The following RBM10 variants were observed in gnomAD, a reference collection of about 807,000 sequenced individuals.
RBM10 encodes RNA-binding protein 10.
A neutral mutation model predicts 84.9 loss-of-function variants in RBM10; 1 was observed. The observed-to-expected ratio is 0.01, with a 90% confidence interval of 0.00 to 0.06. RBM10 has a LOEUF of 0.06. RBM10 is among the 10% of genes least tolerant of loss of function. The pLI is 1.00. For missense variants in RBM10, 438 were observed against 839.0 expected, an observed-to-expected ratio of 0.52 and a Z score of 5.90; for synonymous variants, 326 against 344.5, an observed-to-expected ratio of 0.95 and a Z score of 0.60.
chrX:47,186,625 A>T lies in RBM10; in HGVS notation c.*26A>T. Reference sequence around the variant, plus strand: ...GCAGCTTCAAGAGCAACTTCTCCACATGTTGGGTGTCCATCCTGGGGCAGG... The same window carrying T: ...GCAGCTTCAAGAGCAACTTCTCCACTTGTTGGGTGTCCATCCTGGGGCAGG... On this transcript the variant is annotated 3_prime_UTR_variant, in exon 24 of 24. Coordinates refer to ENST00000377604, the MANE Select transcript of RBM10 (RefSeq NM_005676.5). The T allele has an allele frequency of 8.3e-7, 1 of 1,209,681 alleles. No individual in the cohort carries two copies. Among genetic ancestry groups the T allele is most frequent in the Non-Finnish European group, 1.1e-6 (1 of 894,244 alleles).
Position 47,186,162 on chromosome X carries a change from C to T in RBM10, c.2528C>T (p.Thr843Ile), listed in dbSNP as rs2147223910. 8.2e-7 allele frequency: 1 copy of T among 1,212,671 alleles called. No homozygotes were observed. Among genetic ancestry groups the T allele is most frequent in the Middle Eastern group, 2.3e-4 (1 of 4,354 alleles). Residue 843 changes from threonine to isoleucine, a missense_variant, in exon 22 of 24, where the codon ACA (threonine) becomes ATA (isoleucine). Thr to Ile is a moderately conservative substitution (Grantham distance 89). Coordinates refer to ENST00000377604, the MANE Select transcript of RBM10 (RefSeq NM_005676.5). ...PKRRKYGGIS[T>I]ASVDFEQPTR... ...AGGAGGAAGTACGGCGGCATATCCA[C>T]AGCCTCTGTGTGAGTGGCTGGGCCA...
chrX:47,157,328 C>T, intron 2 of RBM10: 1 of 330,152 alleles, frequency 3.0e-6, no homozygotes, highest in South Asian at 3.1e-5. Flanking sequence ...TGATGAAATT[C>T]TAGACCACAC....
intron 2 of RBM10, among the ~76,000 whole-genome samples, chrX:47,166,217 G>A (rs1222382922): frequency 9.0e-6 from 1 of 111,121 alleles, no homozygotes; most frequent in Non-Finnish European, 1.9e-5. Flanking sequence ...GATCAGGCTG[G>A]GCAACATAGT....
Position 47,159,235 on chromosome X carries a change from C to T in RBM10, c.18-10080C>T, listed in dbSNP as rs782125968. ...GACCAGCCTGACCAACATGGAGAAA[C>T]GCCATCTCTACTAAAAATAAAAAAT... On this transcript the variant is annotated intron_variant, in intron 2 of 23. Coordinates refer to ENST00000377604, the MANE Select transcript of RBM10 (RefSeq NM_005676.5). 1.5e-3 allele frequency among the ~76,000 whole-genome samples: 165 copies of T among 111,079 alleles called. 1 individual carries two copies. The highest frequency in any genetic ancestry group is 5.2e-3 in the African/African-American group (158 of 30,608).
intron 2 of RBM10, among the ~76,000 whole-genome samples, chrX:47,153,831 T>C (rs1284034318): frequency 9.0e-6 from 1 of 111,266 alleles, no homozygotes; most frequent in Non-Finnish European, 1.9e-5. Context: ...GCTGAGGCAG[T>C]TGGATCACTT....
intron 2 of RBM10, among the ~76,000 whole-genome samples, chrX:47,164,785 T>C (rs1380413449): frequency 3.6e-5 from 4 of 111,659 alleles, no homozygotes; most frequent in Non-Finnish European, 5.6e-5. Flanking sequence ...CCCAAAAGAA[T>C]TGAAAGCAAT....
At chrX:47,146,116 C>G (rs1932192751) in intron 1 of RBM10, among the ~76,000 whole-genome samples, 1 of 110,756 alleles carries the variant, frequency 9.0e-6, no homozygotes, top group African/African-American at 3.3e-5. Flanking sequence ...CACTGACGCT[C>G]ATCCATGGAA....
intron 2 of RBM10, among the ~76,000 whole-genome samples, chrX:47,154,565 C>T (rs1321909868): frequency 9.1e-6 from 1 of 109,694 alleles, no homozygotes; most frequent in East Asian, 2.9e-4. Flanking sequence ...GATTCTTGTG[C>T]CTCAGCTTCC....
At chrX:47,152,159 C>G (rs950201853) in intron 2 of RBM10, among the ~76,000 whole-genome samples, 1 of 112,031 alleles carries the variant, frequency 8.9e-6, no homozygotes, top group African/African-American at 3.2e-5. Flanking sequence ...TTGCAATAAG[C>G]TGAGATCGTG....
chrX:47,183,216 T>G (rs1309118301), intron 17 of RBM10, among the ~76,000 whole-genome samples: 2 of 111,762 alleles, frequency 1.8e-5, no homozygotes, highest in African/African-American at 6.5e-5. Flanking sequence ...TGGCATTAAA[T>G]GGAGACTCAA....
Position 47,155,122 on chromosome X carries a change from G to A in RBM10, c.17+7624G>A, listed in dbSNP as rs150802962. Among the ~76,000 whole-genome samples the A allele has an allele frequency of 9.7e-3, 954 of 98,374 alleles. 6 individuals are homozygous for A. Among genetic ancestry groups the A allele is most frequent in the African/African-American group, 0.033 (880 of 26,434 alleles). 85.4% of individuals were successfully genotyped at this position (98,374 alleles called of 115,157 possible). ...AGATCACGCCACTGCACTCCAGCCC[G>A]GAGGACAGTGCGAGACTCCCTCTCA... On this transcript the variant is annotated intron_variant, in intron 2 of 23. Coordinates refer to ENST00000377604, the MANE Select transcript of RBM10 (RefSeq NM_005676.5).
Position 47,179,843 on chromosome X carries a change from C to T in RBM10, c.902-37C>T, listed in dbSNP as rs185218785. The T allele has an allele frequency of 9.0e-4, 1,057 of 1,179,307 alleles. 7 individuals carry two copies. In the African/African-American group the frequency reaches 0.017, roughly 19 times the overall value. On this transcript the variant is annotated intron_variant, in intron 9 of 23. Coordinates refer to ENST00000377604, the MANE Select transcript of RBM10 (RefSeq NM_005676.5). ...TTGAAGGGCAGGGCTGGCAAGAGTG[C>T]CAGGGGTGTCCTCTAACATTGGGCC...
Position 47,186,178 on chromosome X carries a change from G to A in RBM10, c.2537+7G>A. 1 of 1,212,041 alleles carries A rather than the reference G, an allele frequency of 8.3e-7. No homozygotes were observed. The highest frequency in any genetic ancestry group is 1.1e-6 in the Non-Finnish European group (1 of 895,293). On this transcript the variant is annotated splice_region_variant and intron_variant, in intron 22 of 23. Transcript: ENST00000377604. ...GCATATCCACAGCCTCTGTGTGAGT[G>A]GCTGGGCCAGGTGAGGGGGTCTGGA...
intron 5 of RBM10, among the ~76,000 whole-genome samples, chrX:47,173,401 C>T (rs782391509): frequency 3.9e-4 from 44 of 112,133 alleles, no homozygotes; most frequent in Non-Finnish European, 7.2e-4. Context: ...ATGGGGCTGT[C>T]GGGGCAGGGG....
At chrX:47,156,861 A>C (rs1746178589) in intron 2 of RBM10, 12 of 192,206 alleles carry the variant, frequency 6.2e-5, no homozygotes, top group Middle Eastern at 1.1e-3. Context: ...CTTGGCCAGG[A>C]GCTTGCTGTG....
At chrX:47,152,134 C>T (rs1932811834) in intron 2 of RBM10, among the ~76,000 whole-genome samples, 1 of 111,967 alleles carries the variant, frequency 8.9e-6, no homozygotes, top group Non-Finnish European at 1.9e-5. Flanking sequence ...ATCGCTTGAA[C>T]CTGGGAGGTG....
At chrX:47,157,758 C>T (rs868955863) in intron 2 of RBM10, 6 of 445,657 alleles carry the variant, frequency 1.3e-5, no homozygotes, top group Middle Eastern at 4.3e-4. Flanking sequence ...CTCGATTGGC[C>T]GGCTGAGGTT....
chrX:47,181,918 G>A (rs1259332652), intron 15 of RBM10, 33 bp from the exon 16 acceptor site: 2 of 1,210,944 alleles, frequency 1.7e-6, no homozygotes, highest in East Asian at 5.9e-5. Context: ...ATAAAGCAGG[G>A]AATAGTGTGA....
intron 2 of RBM10, among the ~76,000 whole-genome samples, chrX:47,153,925 G>A (rs1289530162): frequency 9.0e-6 from 1 of 110,858 alleles, no homozygotes; most frequent in East Asian, 2.8e-4. Flanking sequence ...GGGCGTGGTG[G>A]CAGGTGCCTA....
Sources: gnomAD v4.1 joint callset for allele counts (sites outside exome capture counted in the v4.1 genomes callset) on GRCh38, gnomAD v4.1.1 for gene constraint, MANE v1.5 for transcripts, NCBI Gene and HGNC (gene_info 2026-07-23, HGNC 2026-07-21) for gene names.